Variants in SYTL5 observed in about 807,000 individuals in gnomAD.
The protein encoded by SYTL5 is synaptotagmin-like protein 5.
In SYTL5, 34 loss-of-function variants were observed where a neutral mutation model predicts 55.9. The observed-to-expected ratio is 0.61, with a 90% CI of 0.46 to 0.81. The LOEUF is 0.81. Ranked by LOEUF, SYTL5 falls within the 30% of genes least tolerant of loss-of-function variation. SYTL5 has a pLI of 0.00. For missense variants in SYTL5, 637 were observed against 546.7 expected (o/e 1.17, Z -1.65); for synonymous variants, 221 against 188.7 (o/e 1.17, Z -1.40).
chrX:37,915,046 A>G, the SYTL5 span, among the ~76,000 whole-genome samples: 1 of 111,387 alleles, frequency 9.0e-6, no homozygotes, highest in Non-Finnish European at 1.9e-5. Flanking sequence ...ATTCTTCTAT[A>G]TGTCCTGAAG....
At position 38,110,355 on chromosome X, in the gene SYTL5, C is replaced by T. The variant is rs375148295; in HGVS notation, c.1469C>T (p.Thr490Ile). 7.5e-6 allele frequency: 9 copies of T among 1,203,862 alleles called. No individual in the cohort carries two copies. In the African/African-American group the frequency reaches 1.4e-4, roughly 19 times the overall value. Residue 490 changes from threonine to isoleucine, a missense_variant, in exon 13 of 17, where the codon ACT becomes ATT. Thr to Ile is a moderately conservative substitution (Grantham distance 89). Transcript: ENST00000297875. ...TISHTQLETR[T>I]LQLSVWHYDR... ...AGCCATACCCAGCTGGAAACAAGAA[C>T]TCTGCAGCTCTCAGTCTGGCACTAT...
chrX:38,048,299 G>T (rs1053191202), intron 2 of SYTL5, among the ~76,000 whole-genome samples: 1 of 109,441 alleles, frequency 9.1e-6, no homozygotes, highest in African/African-American at 3.3e-5. Flanking sequence ...TTATCATTTT[G>T]GTCAAGGCCA....
the SYTL5 span, among the ~76,000 whole-genome samples, chrX:37,995,047 G>T: frequency 4.5e-5 from 5 of 110,699 alleles, no homozygotes; most frequent in Admixed American, 1.9e-4. Flanking sequence ...ATTTAGAGGG[G>T]GCAGTTTCCA....
the SYTL5 span, among the ~76,000 whole-genome samples, chrX:37,898,321 G>A: frequency 9.0e-6 from 1 of 111,463 alleles, no homozygotes; most frequent in Non-Finnish European, 1.9e-5. Flanking sequence ...ATATGAATGT[G>A]GGGGGACACA....
At chrX:37,951,047 T>TA in the SYTL5 span, among the ~76,000 whole-genome samples, 15 of 101,755 alleles carry the variant, frequency 1.5e-4, no homozygotes, top group South Asian at 4.4e-4. Context: ...TTACGAGGAA[T>TA]AAAAAAAAAA....
chrX:38,004,032 A>C (rs1456833788), upstream of SYTL5, among the ~76,000 whole-genome samples: 1 of 112,103 alleles, frequency 8.9e-6, no homozygotes, highest in Non-Finnish European at 1.9e-5. Context: ...TTTTTAAATC[A>C]GATCATTATA....
At chrX:37,972,287 GA>G in the SYTL5 span, among the ~76,000 whole-genome samples, 355 of 111,600 alleles carry the variant, frequency 3.2e-3, 1 homozygote, top group African/African-American at 0.011. Context: ...AATTTTAGTA[GA>G]AAAAGCAATA....
intron 3 of SYTL5, among the ~76,000 whole-genome samples, chrX:38,065,382 G>A (rs947418129): frequency 9.0e-6 from 1 of 111,436 alleles, no homozygotes; most frequent in Non-Finnish European, 1.9e-5. Context: ...AATCTATTTG[G>A]TGATAAATTA....
the SYTL5 span, among the ~76,000 whole-genome samples, chrX:37,890,320 G>A: frequency 9.0e-6 from 1 of 111,525 alleles, no homozygotes; most frequent in Non-Finnish European, 1.9e-5. Flanking sequence ...TCAGAGGAAG[G>A]TCTTCAGGAC....
chrX:37,922,271 C>T, the SYTL5 span, among the ~76,000 whole-genome samples: 9,270 of 111,426 alleles, frequency 0.083, 518 homozygotes, highest in African/African-American at 0.2. Context: ...ATATTTGTGG[C>T]AATGTCACTT....
chrX:37,939,424 G>A, the SYTL5 span, among the ~76,000 whole-genome samples: 1 of 111,929 alleles, frequency 8.9e-6, no homozygotes, highest in Non-Finnish European at 1.9e-5. Flanking sequence ...TTCCTCTGCT[G>A]TGCTGGTGCT....
chrX:38,029,986 G>A (rs759265714), intron 1 of SYTL5, among the ~76,000 whole-genome samples: 73 of 111,598 alleles, frequency 6.5e-4, no homozygotes, highest in Non-Finnish European at 1.1e-3. Flanking sequence ...ACAGCTGGAA[G>A]GCAAAACAGA....
At chrX:37,940,158 A>G in the SYTL5 span, among the ~76,000 whole-genome samples, 1 of 110,575 alleles carries the variant, frequency 9.0e-6, no homozygotes, top group African/African-American at 3.3e-5. Flanking sequence ...TCTTAAGGAG[A>G]GAGCCATTCT....
intron 2 of SYTL5, among the ~76,000 whole-genome samples, chrX:38,042,457 C>T (rs1935314229): frequency 9.0e-6 from 1 of 111,605 alleles, no homozygotes; most frequent in African/African-American, 3.3e-5. Flanking sequence ...TATGGAGATC[C>T]AACTTTGTTT....
chrX:38,070,629 T>C (rs1936234588), intron 3 of SYTL5, among the ~76,000 whole-genome samples: 7 of 111,351 alleles, frequency 6.3e-5, no homozygotes, highest in Admixed American at 5.8e-4. Context: ...ATTCAAATAT[T>C]TGACCCCAAA....
chrX:37,935,284 C>G, the SYTL5 span, among the ~76,000 whole-genome samples: 2 of 111,747 alleles, frequency 1.8e-5, no homozygotes, highest in Non-Finnish European at 3.8e-5. Flanking sequence ...GAATTTAAGG[C>G]ATTCCGGATA....
At chrX:37,986,313 G>T in the SYTL5 span, among the ~76,000 whole-genome samples, 1 of 110,507 alleles carries the variant, frequency 9.0e-6, no homozygotes, top group African/African-American at 3.3e-5. Context: ...TCCCTTTTAA[G>T]GGCTCATGAC....
At chrX:38,115,968 T>A (rs765878150) in intron 13 of SYTL5, among the ~76,000 whole-genome samples, 1 of 112,239 alleles carries the variant, frequency 8.9e-6, no homozygotes, top group African/African-American at 3.2e-5. Context: ...CTATTTTTGC[T>A]TTTGTTTCCT....
intron 9 of SYTL5, among the ~76,000 whole-genome samples, chrX:38,098,165 G>T (rs1168800999): frequency 9.0e-6 from 1 of 110,663 alleles, no homozygotes. Context: ...AAAGCATGAT[G>T]CATGTATTCA....
Sources: allele counts gnomAD v4.1 joint callset (sites outside exome capture counted in the v4.1 genomes callset), GRCh38; gene constraint gnomAD v4.1.1; transcripts MANE v1.5; gene names NCBI Gene and HGNC (gene_info 2026-07-23, HGNC 2026-07-21).